The following SST variants were observed in gnomAD, a reference collection of about 807,000 sequenced individuals.
The protein encoded by SST is somatostatin, also known as growth hormone release-inhibiting factor.
A neutral mutation model predicts 10.4 loss-of-function variants in SST; 7 were observed. That is an observed-to-expected ratio of 0.67 (90% CI 0.38 to 1.26). SST has a LOEUF of 1.26. Ranked by LOEUF, SST falls within the 50% of genes most tolerant of loss-of-function variation. The pLI is 0.02. For synonymous variants in SST, 63 were observed against 63.9 expected, an observed-to-expected ratio of 0.99 and a Z score of 0.07; for missense variants, 145 against 140.8, an observed-to-expected ratio of 1.03 and a Z score of -0.15.
In SST at chr3:187,670,042, G is replaced by A. The variant is rs556719989; in HGVS notation, c.138+112C>T. On this transcript the variant is annotated intron_variant, in intron 1 of 1. Coordinates refer to ENST00000287641, the MANE Select transcript of SST (RefSeq NM_001048.4). The stretch of plus-strand genomic sequence containing the variant: ...TTCGGGAGCTGAGGGACCCAGAAAA[G>A]CACCAAAACTCTTTAGAAGGACTGA... 5.8e-5 allele frequency: 71 copies of A among 1,213,824 alleles called. 1 individual carries two copies. In the South Asian group the frequency reaches 1.1e-3, roughly 19 times the overall value. The allele number at this position is 1,213,824 out of a possible 1,614,324, so 75.2% of individuals were successfully genotyped here.
intron 1 of SST, 134 bp downstream of exon 1, chr3:187,670,020 G>T: frequency 3.2e-6 from 3 of 931,424 alleles, no homozygotes; most frequent in East Asian, 5.4e-5. Flanking sequence ...CAAGAGCTTC[G>T]GGAGCTGAGG....
chr3:187,669,528 TAAC>T (rs1433342189), intron 1 of SST, among the ~76,000 whole-genome samples: 2 of 122,178 alleles, frequency 1.6e-5, no homozygotes, highest in Non-Finnish European at 3.3e-5. Flanking sequence ...CCTGTAGACT[TAAC>T]ACACACACAC....
In SST at chr3:187,668,931, A is replaced by T; in HGVS notation, c.*134T>A. The T allele has an allele frequency of 2.5e-6, 2 of 811,420 alleles. No homozygotes were observed. Among genetic ancestry groups the T allele is most frequent in the Non-Finnish European group, 4.0e-6 (2 of 503,104 alleles). 50.3% of individuals were successfully genotyped at this position (811,420 alleles called of 1,614,324 possible). ...TTCACATTTTTCATAATTTCACCATAATTTTATTTTGTATTTACAGTTTTC... is the reference window on the plus strand; with the variant it reads ...TTCACATTTTTCATAATTTCACCATTATTTTATTTTGTATTTACAGTTTTC... On this transcript the variant is annotated 3_prime_UTR_variant, in exon 2 of 2. Coordinates refer to ENST00000287641, the MANE Select transcript of SST (RefSeq NM_001048.4).
At position 187,669,437 on chromosome 3, in the gene SST, T is replaced by C. The variant is rs114494514; in HGVS notation, c.139-160A>G. Among the ~76,000 whole-genome samples, 1,165 of 152,048 alleles carry C rather than the reference T, an allele frequency of 7.7e-3. 17 individuals are homozygous for C. The highest frequency in any genetic ancestry group is 0.027 in the African/African-American group (1,123 of 41,474). ...TCACATTTAAAATCAATCAAGGATA[T>C]AAAAATAAGGATAGTTGCTATAATT... On this transcript the variant is annotated intron_variant, in intron 1 of 1. Coordinates refer to ENST00000287641, the MANE Select transcript of SST (RefSeq NM_001048.4).
chr3:187,669,784 C>T (rs564610352), intron 1 of SST, among the ~76,000 whole-genome samples: 2 of 152,258 alleles, frequency 1.3e-5, no homozygotes, highest in South Asian at 4.1e-4. Context: ...AAGTGAGGTA[C>T]GCTAAGAGGT....
chr3:187,670,166 G>A lies in SST; in HGVS notation c.126C>T (p.Ala42=). 1.3e-6 allele frequency: 2 copies of A among 1,589,786 alleles called. No homozygotes were observed. The highest frequency in any genetic ancestry group is 2.3e-5 in the East Asian group (1 of 43,532). The change falls in exon 1 of 2, where the codon GCC becomes GCT. Residue 42 remains alanine (A), a synonymous_variant. Transcript: ENST00000287641. ...RQFLQKSLAA[A]AGKQELAKYF... is the part of the protein sequence containing the mutation. ...GGAGTCTCCTTACCTGCTTCCCCGC[G>A]GCAGCAGCCAGGGACTTCTGCAGAA... is the stretch of plus-strand genomic sequence containing the variant.
rs763562448 is a variant in SST at position 187,669,028 on chromosome 3, A to G, written c.*37T>C. On this transcript the variant is annotated 3_prime_UTR_variant, in exon 2 of 2. Transcript: ENST00000287641. ...GAGAGATGGGGTGTGGGGGCGAGGG[A>G]TCAGAGGTCTGATATGGACAATACT... is the stretch of plus-strand genomic sequence containing the variant. The G allele has an allele frequency of 1.2e-6, 2 of 1,602,936 alleles. No individual in the cohort carries two copies. The highest frequency in any genetic ancestry group is 1.7e-6 in the Non-Finnish European group (2 of 1,170,148).
chr3:187,669,529 A>AACAC (rs57361717), intron 1 of SST, among the ~76,000 whole-genome samples: 3,534 of 147,286 alleles, frequency 0.024, 71 homozygotes, highest in African/African-American at 0.046. Context: ...CTGTAGACTT[A>AACAC]ACACACACAC....
intron 1 of SST, 87 bp downstream of exon 1, chr3:187,670,067 A>G: frequency 7.1e-7 from 1 of 1,415,384 alleles, no homozygotes; most frequent in Non-Finnish European, 9.5e-7. Context: ...AGAAGGACTG[A>G]GCATCCCTTA....
At position 187,670,149 on chromosome 3, in the gene SST, C is replaced by A; in HGVS notation, c.138+5G>T. ...ATCCGGGAGACGTCGAGGGAGTCTCCTTACCTGCTTCCCCGCGGCAGCAGC... is the reference window on the plus strand; with the variant it reads ...ATCCGGGAGACGTCGAGGGAGTCTCATTACCTGCTTCCCCGCGGCAGCAGC... On this transcript the variant is annotated splice_donor_5th_base_variant and intron_variant, in intron 1 of 1. Coordinates refer to ENST00000287641, the MANE Select transcript of SST (RefSeq NM_001048.4). The A allele has an allele frequency of 6.3e-7, 1 of 1,583,690 alleles. No individual in the cohort carries two copies. Among genetic ancestry groups the A allele is most frequent in the South Asian group, 1.2e-5 (1 of 86,276 alleles).
At position 187,669,037 on chromosome 3, in the gene SST, C is replaced by A; in HGVS notation, c.*28G>T. The A allele has an allele frequency of 6.2e-7, 1 of 1,610,580 alleles. No homozygotes were observed. The highest frequency in any genetic ancestry group is 8.5e-7 in the Non-Finnish European group (1 of 1,177,096). On this transcript the variant is annotated 3_prime_UTR_variant, in exon 2 of 2. Transcript: ENST00000287641. ...GGTGTGGGGGCGAGGGATCAGAGGT[C>A]TGATATGGACAATACTAGTTAAGAA...
intron 1 of SST, among the ~76,000 whole-genome samples, chr3:187,669,559 AACAC>A (rs58680547): frequency 0.017 from 2,438 of 145,264 alleles, 28 homozygotes; most frequent in African/African-American, 0.031. Flanking sequence ...CACACGCACA[AACAC>A]ACACACACAC....
intron 1 of SST, among the ~76,000 whole-genome samples, chr3:187,669,562 A>ACG (rs1717189695): frequency 2.3e-5 from 2 of 85,978 alleles, no homozygotes; most frequent in African/African-American, 1.0e-4. Context: ...ACGCACAAAC[A>ACG]CACACACACA....
chr3:187,668,996 T>G lies in SST; in HGVS notation c.*69A>C. 7.0e-7 allele frequency: 1 copy of G among 1,423,266 alleles called. No homozygotes were observed. Among genetic ancestry groups the G allele is most frequent in the African/African-American group, 1.4e-5 (1 of 71,156 alleles). The allele number at this position is 1,423,266 out of a possible 1,614,324, so 88.2% of individuals were successfully genotyped here. A position where few individuals can be genotyped will look rare whatever the true frequency, so the allele number is the denominator to read the frequency against. On this transcript the variant is annotated 3_prime_UTR_variant, in exon 2 of 2. Coordinates refer to ENST00000287641, the MANE Select transcript of SST (RefSeq NM_001048.4). ...GGGTCTCGCTGAAGACTTGGAGGAT[T>G]AGGGAAGAGAGATGGGGTGTGGGGG...
At chr3:187,669,689 C>G (rs1243970117) in intron 1 of SST, among the ~76,000 whole-genome samples, 1 of 152,106 alleles carries the variant, frequency 6.6e-6, no homozygotes, top group Admixed American at 6.5e-5. Flanking sequence ...ACCAAGTAAA[C>G]TGTAGGGGAA....
In SST at chr3:187,670,253, C is replaced by G; in HGVS notation, c.39G>C (p.Leu13=). The change falls in exon 1 of 2, where the codon CTG becomes CTC. Residue 13 remains leucine, a synonymous_variant. Coordinates refer to ENST00000287641, the MANE Select transcript of SST (RefSeq NM_001048.4). The part of the protein sequence containing the change: ...SCRLQCALAA[L]SIVLALGCVT... ...CACAGCCCAGGGCCAGGACGATGGA[C>G]AGCGCAGCCAGCGCGCACTGGAGGC... 6.3e-7 allele frequency: 1 copy of G among 1,592,768 alleles called. No individual in the cohort carries two copies. The highest frequency in any genetic ancestry group is 8.5e-7 in the Non-Finnish European group (1 of 1,169,710).
At position 187,669,288 on chromosome 3, in the gene SST, C is replaced by A. The variant is rs757452232; in HGVS notation, c.139-11G>T. Reference sequence around the variant, plus strand: ...GTACTTGGCCAGTTCCTGTATAGGGCAGAAGGGATAGAAAAAGAGAGAAAG... The same window carrying A: ...GTACTTGGCCAGTTCCTGTATAGGGAAGAAGGGATAGAAAAAGAGAGAAAG... On this transcript the variant is annotated splice_polypyrimidine_tract_variant and intron_variant, in intron 1 of 1. Transcript: ENST00000287641. The A allele has an allele frequency of 1.9e-6, 3 of 1,611,350 alleles. No individual in the cohort carries two copies. Among genetic ancestry groups the A allele is most frequent in the Non-Finnish European group, 2.5e-6 (3 of 1,178,916 alleles).
rs1380116959 is a variant in SST, at chr3:187,670,218, G to A, written c.74C>T (p.Ala25Val). The A allele has an allele frequency of 6.3e-7, 1 of 1,595,492 alleles. No homozygotes were observed. The highest frequency in any genetic ancestry group is 8.5e-7 in the Non-Finnish European group (1 of 1,171,250). ...CTGACGGAGTCTGGGGTCCGAGGGAGCGCCGGTGACACAGCCCAGGGCCAG... is the reference window on the plus strand; with the variant it reads ...CTGACGGAGTCTGGGGTCCGAGGGAACGCCGGTGACACAGCCCAGGGCCAG... Reference protein sequence around the residue: ...IVLALGCVTGAPSDPRLRQFL... With the variant: ...IVLALGCVTGVPSDPRLRQFL... Residue 25 changes from alanine to valine, a missense_variant, in exon 1 of 2, where the codon GCT becomes GTT. Ala to Val is a moderately conservative substitution (Grantham distance 64). Transcript: ENST00000287641.
Position 187,668,972 on chromosome 3 carries a change from G to A in SST, c.*93C>T. 8.8e-7 allele frequency: 1 copy of A among 1,135,546 alleles called. No individual in the cohort carries two copies. The highest frequency in any genetic ancestry group is 1.8e-5 in the Admixed American group (1 of 56,466). The allele number at this position is 1,135,546 out of a possible 1,614,324, so 70.3% of individuals were successfully genotyped here. A position where few individuals can be genotyped will look rare whatever the true frequency, so the allele number is the denominator to read the frequency against. ...TACAGTTTTCAGTTTCTAATGCAAG[G>A]GTCTCGCTGAAGACTTGGAGGATTA... On this transcript the variant is annotated 3_prime_UTR_variant, in exon 2 of 2. Coordinates refer to ENST00000287641, the MANE Select transcript of SST (RefSeq NM_001048.4).
Sources: gnomAD v4.1 joint callset for allele counts (sites outside exome capture counted in the v4.1 genomes callset) on GRCh38, gnomAD v4.1.1 for gene constraint, MANE v1.5 for transcripts, NCBI Gene and HGNC (gene_info 2026-07-23, HGNC 2026-07-21) for gene names.